Variants in CHRM3 observed in about 807,000 individuals in gnomAD.
The protein encoded by CHRM3 is cholinergic receptor muscarinic 3, also known as muscarinic acetylcholine receptor M3.
CHRM3 carries 11 observed loss-of-function variants against 41.8 expected under a neutral mutation model. The ratio of observed to expected loss-of-function variants is 0.26; its 90% CI spans 0.17 to 0.44. CHRM3 has a LOEUF of 0.44. Among genes scored for constraint, CHRM3 ranks in the 20% least tolerant of loss-of-function variants. The pLI is 1.00. For missense variants in CHRM3, 571 were observed against 745.4 expected (o/e 0.77, Z 2.72); for synonymous variants, 297 against 301.4 (o/e 0.99, Z 0.15).
At chr1:239,699,985 T>C (rs779409912) in intron 5 of CHRM3, among the ~76,000 whole-genome samples, 38 of 152,320 alleles carry the variant, frequency 2.5e-4, no homozygotes, top group Non-Finnish European at 4.9e-4. Context: ...TAATTTTCAT[T>C]CTATTCAGCA....
chr1:239,412,784 A>G (rs1223779072), intron 1 of CHRM3, among the ~76,000 whole-genome samples: 1 of 152,098 alleles, frequency 6.6e-6, no homozygotes, highest in Non-Finnish European at 1.5e-5. Context: ...TAATTATTAG[A>G]TTATTATTAA....
intron 1 of CHRM3, among the ~76,000 whole-genome samples, chr1:239,452,396 C>T (rs1339664543): frequency 1.3e-5 from 2 of 152,140 alleles, no homozygotes; most frequent in African/African-American, 4.8e-5. Context: ...AGAAAAAGAC[C>T]GCAGGAATTC....
At chr1:239,620,744 T>C (rs1668266845) in intron 3 of CHRM3, among the ~76,000 whole-genome samples, 1 of 152,048 alleles carries the variant, frequency 6.6e-6, no homozygotes, top group African/African-American at 2.4e-5. Context: ...GAAGCAACCA[T>C]AATTCTATAA....
chr1:239,716,248 A>C (rs1025609991), intron 5 of CHRM3, among the ~76,000 whole-genome samples: 3 of 152,100 alleles, frequency 2.0e-5, no homozygotes, highest in African/African-American at 7.2e-5. Context: ...ATGAGGTTGT[A>C]GAACTGATGG....
chr1:239,589,346 A>C (rs1403374217), intron 3 of CHRM3, among the ~76,000 whole-genome samples: 2 of 151,914 alleles, frequency 1.3e-5, no homozygotes, highest in Admixed American at 6.5e-5. Context: ...CAACTGAGTG[A>C]AAATAGCTTC....
At chr1:239,894,524 C>A (rs1207536735) in intron 6 of CHRM3, among the ~76,000 whole-genome samples, 1 of 152,094 alleles carries the variant, frequency 6.6e-6, no homozygotes, top group Admixed American at 6.5e-5. Context: ...CCTCTGCCTC[C>A]CAGGTTCAAG....
At chr1:239,735,810 A>G (rs758919279) in intron 5 of CHRM3, among the ~76,000 whole-genome samples, 2 of 152,184 alleles carry the variant, frequency 1.3e-5, no homozygotes, top group Non-Finnish European at 2.9e-5. Context: ...TTACAACAAC[A>G]CAAACACATC....
intron 2 of CHRM3, among the ~76,000 whole-genome samples, chr1:239,519,910 G>A (rs1294272023): frequency 1.3e-5 from 2 of 151,668 alleles, no homozygotes; most frequent in African/African-American, 4.8e-5. Context: ...ACCACACCCC[G>A]CTAATTTTTT....
In CHRM3 at chr1:239,532,114, A is replaced by G. The variant is rs1368181156; in HGVS notation, c.-421-13527A>G. Reference sequence around the variant, plus strand: ...TGCAAGCTCCGCCTCCCGGGTTCACACCATTCTCCTGCCTCAGCCTCCCGA... The same window carrying G: ...TGCAAGCTCCGCCTCCCGGGTTCACGCCATTCTCCTGCCTCAGCCTCCCGA... On this transcript the variant is annotated intron_variant, in intron 2 of 6. Coordinates refer to ENST00000676153, the MANE Select transcript of CHRM3 (RefSeq NM_001375978.1). Among the ~76,000 whole-genome samples, 20 of 122,042 alleles carry G rather than the reference A, an allele frequency of 1.6e-4. 1 individual carries two copies. Among genetic ancestry groups the G allele is most frequent in the South Asian group, 5.3e-4 (2 of 3,790 alleles). 80.1% of individuals were successfully genotyped at this position (122,042 alleles called of 152,430 possible). A position where few individuals can be genotyped will look rare whatever the true frequency, so the allele number is the denominator to read the frequency against.
intron 1 of CHRM3, among the ~76,000 whole-genome samples, chr1:239,424,584 A>G (rs1280873411): frequency 6.6e-6 from 1 of 152,208 alleles, no homozygotes; most frequent in East Asian, 1.9e-4. Context: ...ATCAAATATA[A>G]CAGTAAATAC....
At chr1:239,580,731 AC>A (rs1662823224) in intron 3 of CHRM3, among the ~76,000 whole-genome samples, 2 of 143,660 alleles carry the variant, frequency 1.4e-5, no homozygotes, top group South Asian at 2.2e-4. Context: ...ACACACACAC[AC>A]AAGTGCATAT....
chr1:239,586,869 G>A (rs1243746573), intron 3 of CHRM3, among the ~76,000 whole-genome samples: 1 of 152,084 alleles, frequency 6.6e-6, no homozygotes. Flanking sequence ...ATTCTGTCTG[G>A]TAGAGACCAA....
rs930126504 is a variant in CHRM3 at position 239,665,648 on chromosome 1, C to T, written c.-249-12538C>T. 4.6e-5 allele frequency among the ~76,000 whole-genome samples: 7 copies of T among 152,064 alleles called. 1 individual carries two copies. The highest frequency in any genetic ancestry group is 8.8e-5 in the Non-Finnish European group (6 of 68,030). ...AACCCATCATCTACATTAGGTATTT[C>T]TCCTAATGCTGTCTCTCCACTAGCC... On this transcript the variant is annotated intron_variant, in intron 4 of 6. Transcript: ENST00000676153.
intron 4 of CHRM3, among the ~76,000 whole-genome samples, chr1:239,654,172 G>T (rs533969325): frequency 6.6e-6 from 1 of 151,950 alleles, no homozygotes; most frequent in East Asian, 1.9e-4. Context: ...GTCTCACTAC[G>T]TTACTCAGGA....
At chr1:239,770,486 T>G (rs1475764556) in intron 5 of CHRM3, among the ~76,000 whole-genome samples, 1 of 152,222 alleles carries the variant, frequency 6.6e-6, no homozygotes, top group Non-Finnish European at 1.5e-5. Context: ...TATGAAGATG[T>G]GCTTCAGAAG....
chr1:239,657,827 C>T (rs1191981352), intron 4 of CHRM3, among the ~76,000 whole-genome samples: 1 of 152,170 alleles, frequency 6.6e-6, no homozygotes, highest in Non-Finnish European at 1.5e-5. Context: ...AATGCCCTCA[C>T]TTACTTTGTG....
At chr1:239,767,880 G>T (rs985077883) in intron 5 of CHRM3, among the ~76,000 whole-genome samples, 1 of 151,986 alleles carries the variant, frequency 6.6e-6, no homozygotes, top group African/African-American at 2.4e-5. Flanking sequence ...AATCACCTGG[G>T]TATCTTGTTT....
At chr1:239,895,281 G>A (rs368903112) in intron 6 of CHRM3, among the ~76,000 whole-genome samples, 7 of 151,926 alleles carry the variant, frequency 4.6e-5, no homozygotes, top group Non-Finnish European at 7.3e-5. Flanking sequence ...CATCCCTCCC[G>A]AGTGCCACTG....
At chr1:239,773,837 G>A (rs535861733) in intron 5 of CHRM3, among the ~76,000 whole-genome samples, 48 of 152,230 alleles carry the variant, frequency 3.2e-4, no homozygotes, top group Non-Finnish European at 1.8e-4. Context: ...TAGGGGTTTC[G>A]TTAGAATGGA....
Sources: allele counts gnomAD v4.1 joint callset (sites outside exome capture counted in the v4.1 genomes callset), GRCh38; gene constraint gnomAD v4.1.1; transcripts MANE v1.5; gene names NCBI Gene and HGNC (gene_info 2026-07-23, HGNC 2026-07-21).